The following CCDC18 variants were observed in gnomAD, a reference collection of about 807,000 sequenced individuals.
The protein encoded by CCDC18 is coiled-coil domain-containing protein 18.
A neutral mutation model predicts 196.0 loss-of-function variants in CCDC18; 157 were observed. That is an observed-to-expected ratio of 0.80 (90% CI 0.70 to 0.91). The LOEUF is 0.91. Among genes scored for constraint, CCDC18 ranks in the 40% least tolerant of loss-of-function variants. The probability of loss-of-function intolerance (pLI) is 0.00; values close to 1 mark genes in which losing one functional copy is unlikely to be tolerated. For missense variants in CCDC18, 1,465 were observed against 1,611.6 expected (o/e 0.91, Z 1.56); for synonymous variants, 482 against 529.2 (o/e 0.91, Z 1.22).
Position 93,254,526 on chromosome 1 carries a change from A to G in CCDC18, c.3254A>G (p.Glu1085Gly), listed in dbSNP as rs1662684166. 1 of 1,603,088 alleles carries G rather than the reference A, an allele frequency of 6.2e-7. No individual in the cohort carries two copies. Among genetic ancestry groups the G allele is most frequent in the South Asian group, 1.1e-5 (1 of 89,948 alleles). Residue 1085 changes from glutamate (E) to glycine (G), a missense_variant, in exon 24 of 29, where the codon GAG becomes GGG. Transcript: ENST00000690025. ...QNAKEQLREKEFIMLQNEQEI... is the reference protein window; with the variant it reads ...QNAKEQLREKGFIMLQNEQEI... ...GCTAAAGAACAGCTTCGAGAAAAAGAGTTTATAATGCTACAAAATGAACAG... is the reference window on the plus strand; with the variant it reads ...GCTAAAGAACAGCTTCGAGAAAAAGGGTTTATAATGCTACAAAATGAACAG...
intron 23 of CCDC18, among the ~76,000 whole-genome samples, chr1:93,250,205 C>G (rs1465525306): frequency 6.6e-6 from 1 of 151,040 alleles, no homozygotes; most frequent in East Asian, 1.9e-4. Flanking sequence ...ATAGTGGGAC[C>G]CTGTCTCTAC....
upstream of CCDC18, chr1:93,180,516 C>G: frequency 6.5e-7 from 1 of 1,530,792 alleles, no homozygotes; most frequent in Non-Finnish European, 8.8e-7. Context: ...CTCCCCCTGA[C>G]GGCCTCCGGT....
chr1:93,183,440 C>G lies in CCDC18; in HGVS notation c.79C>G (p.His27Asp), dbSNP rs1650077459. 1 of 1,607,492 alleles carries G rather than the reference C, an allele frequency of 6.2e-7. No individual in the cohort carries two copies. The highest frequency in any genetic ancestry group is 1.7e-5 in the Admixed American group (1 of 59,402). The part of the protein sequence containing the change: ...SLLANVASLR[H>D]ELKITEWSLQ... ...GCTTGCAAATGTTGCTTCCTTAAGA[C>G]ATGAACTGAAGATAACAGAATGGAG... is the stretch of plus-strand genomic sequence containing the variant. Residue 27 changes from histidine (H) to aspartate (D), a missense_variant, in exon 2 of 29, where the codon CAT (histidine) becomes GAT (aspartate). Physicochemically the swap from His to Asp is moderately conservative, Grantham distance 81 (BLOSUM62 -1). Coordinates refer to ENST00000690025, the MANE Select transcript of CCDC18 (RefSeq NM_001378204.1).
At chr1:93,242,458 TCA>T (rs1660940828) in intron 21 of CCDC18, among the ~76,000 whole-genome samples, 1 of 152,162 alleles carries the variant, frequency 6.6e-6, no homozygotes, top group Non-Finnish European at 1.5e-5. Flanking sequence ...TGGGTCTCTC[TCA>T]CAACACATGG....
chr1:93,227,929 G>T (rs1316733148), intron 17 of CCDC18, among the ~76,000 whole-genome samples: 2 of 144,692 alleles, frequency 1.4e-5, no homozygotes, highest in Non-Finnish European at 3.0e-5. Context: ...CTGCACTCCA[G>T]CCTGGGCAGC....
chr1:93,204,381 A>G (rs570459261), intron 7 of CCDC18, among the ~76,000 whole-genome samples: 3 of 152,298 alleles, frequency 2.0e-5, no homozygotes, highest in East Asian at 3.9e-4. Context: ...AGTGATTTTC[A>G]TAGCGTAAGG....
At chr1:93,181,012 AT>A in intron 1 of CCDC18, 160 bp downstream of exon 1, 1 of 646,372 alleles carries the variant, frequency 1.5e-6, no homozygotes, top group Non-Finnish European at 2.4e-6. Context: ...GAACGGTTGT[AT>A]TTTATTTGAT....
Position 93,264,844 on chromosome 1 carries a change from AC to A in CCDC18, c.3829del (p.Gln1277LysfsTer8). The A allele has an allele frequency of 6.2e-7, 1 of 1,613,740 alleles. No homozygotes were observed. Among genetic ancestry groups the A allele is most frequent in the South Asian group, 1.1e-5 (1 of 91,074 alleles). ...AGGATACTGTAAGCAATTTGCATCA[AC>A]AAGTCCAAGATAGGAATGAAGTAAT... ...AQDTVSNLHQ[Q>X]VQDRNEVIEA... is the part of the protein sequence containing the mutation. On this transcript the variant is annotated frameshift_variant, in exon 27 of 29. Coordinates refer to ENST00000690025, the MANE Select transcript of CCDC18 (RefSeq NM_001378204.1). LOFTEE classifies it high-confidence loss of function.
intron 28 of CCDC18, among the ~76,000 whole-genome samples, chr1:93,272,103 A>C (rs1208102981): frequency 1.3e-5 from 2 of 152,222 alleles, no homozygotes; most frequent in African/African-American, 4.8e-5. Flanking sequence ...TGAACAGTTA[A>C]AAACTATTTT....
chr1:93,201,861 CTT>C (rs771488979), intron 6 of CCDC18, 29 bp from the exon 7 acceptor site: 2 of 1,396,028 alleles, frequency 1.4e-6, no homozygotes, highest in South Asian at 2.6e-5. Context: ...GCATTCTTCA[CTT>C]TTATTCATTA....
intron 18 of CCDC18, 91 bp from the exon 19 acceptor site, chr1:93,236,157 G>A (rs1354622119): frequency 5.1e-5 from 53 of 1,036,740 alleles, no homozygotes; most frequent in Non-Finnish European, 4.2e-5. Flanking sequence ...TGATTTTTAT[G>A]ATACATCTTG....
Position 93,221,740 on chromosome 1 carries a change from A to G in CCDC18, c.2094A>G (p.Lys698=). ...ESLDRLLTES[K]GEMKKENMKK... The stretch of plus-strand genomic sequence containing the variant: ...TAGATAGACTCTTGACGGAAAGCAA[A>G]GGGGTAAAATCATCCTTATAAAAGT... Residue 698 remains lysine (K), a synonymous_variant, in exon 15 of 29, where the codon AAA becomes AAG. Transcript: ENST00000690025. 6.3e-7 allele frequency: 1 copy of G among 1,597,204 alleles called. No individual in the cohort carries two copies. The highest frequency in any genetic ancestry group is 8.5e-7 in the Non-Finnish European group (1 of 1,175,762).
intron 10 of CCDC18, among the ~76,000 whole-genome samples, chr1:93,211,332 C>G (rs1655621380): frequency 6.6e-6 from 1 of 150,846 alleles, no homozygotes; most frequent in East Asian, 1.9e-4. Flanking sequence ...CAGAAAAGCT[C>G]AGAGAATATT....
chr1:93,231,464 A>G (rs530299540), intron 17 of CCDC18, among the ~76,000 whole-genome samples: 14 of 152,290 alleles, frequency 9.2e-5, no homozygotes, highest in African/African-American at 3.4e-4. Context: ...AAATGGTTGC[A>G]CATTTTAAAT....
chr1:93,199,787 T>C (rs1382013061), intron 6 of CCDC18: 1 of 152,470 alleles, frequency 6.6e-6, no homozygotes, highest in Non-Finnish European at 1.5e-5. Flanking sequence ...CCACCTCATT[T>C]GCGTTCTGGT....
intron 4 of CCDC18, chr1:93,191,079 A>T: frequency 1.6e-6 from 1 of 625,312 alleles, no homozygotes; most frequent in Admixed American, 2.7e-5. Flanking sequence ...GAGTGCTATC[A>T]GCAAGGAGAT....
intron 27 of CCDC18, among the ~76,000 whole-genome samples, chr1:93,269,176 A>G (rs6699498): frequency 6.6e-6 from 1 of 151,228 alleles, no homozygotes; most frequent in African/African-American, 2.4e-5. Context: ...TATTGCAAGG[A>G]CAAAAAACCA....
At chr1:93,225,957 T>C (rs184551775) in intron 16 of CCDC18, among the ~76,000 whole-genome samples, 2 of 152,312 alleles carry the variant, frequency 1.3e-5, no homozygotes, top group Admixed American at 1.3e-4. Context: ...GTTTATCTTG[T>C]CAATTGTGGC....
intron 28 of CCDC18, among the ~76,000 whole-genome samples, chr1:93,274,315 T>C (rs1263564295): frequency 4.6e-5 from 7 of 151,838 alleles, no homozygotes. Context: ...AGGTGGAGAA[T>C]TGCTTGAACC....
Sources: allele counts gnomAD v4.1 joint callset (sites outside exome capture counted in the v4.1 genomes callset), GRCh38; gene constraint gnomAD v4.1.1; transcripts MANE v1.5; gene names NCBI Gene and HGNC (gene_info 2026-07-23, HGNC 2026-07-21).